The following FRMD4B variants were observed in gnomAD, a reference collection of about 807,000 sequenced individuals.
The protein encoded by FRMD4B is FERM domain containing 4B, also known as FERM domain-containing protein 4B.
Under a neutral mutation model 141.5 loss-of-function variants are expected in FRMD4B, and 74 were observed. The observed-to-expected ratio is 0.52, with a 90% CI of 0.43 to 0.63. The LOEUF (loss-of-function observed/expected upper bound fraction) is 0.63. Among genes scored for constraint, FRMD4B ranks in the 30% least tolerant of loss-of-function variants. The probability of loss-of-function intolerance (pLI) is 0.00; values close to 1 mark genes in which losing one functional copy is unlikely to be tolerated. For missense variants in FRMD4B, 1,366 were observed against 1,253.4 expected (o/e 1.09, Z -1.36); for synonymous variants, 506 against 467.9 (o/e 1.08, Z -1.05).
intron 7 of FRMD4B, chr3:69,228,242 T>A: frequency 2.3e-6 from 1 of 434,536 alleles, no homozygotes; most frequent in South Asian, 1.6e-5. Flanking sequence ...ATGATAAGAA[T>A]CCTGAAAATT....
chr3:69,312,003 C>A (rs1229108808), intron 2 of FRMD4B, among the ~76,000 whole-genome samples: 2 of 152,146 alleles, frequency 1.3e-5, no homozygotes, highest in East Asian at 3.9e-4. Flanking sequence ...GGGATTTGAA[C>A]CTAGTCTGTC....
At chr3:69,382,053 A>G (rs1159668423) in intron 1 of FRMD4B, among the ~76,000 whole-genome samples, 1 of 151,814 alleles carries the variant, frequency 6.6e-6, no homozygotes. Flanking sequence ...TTATTTATTT[A>G]TTTTGAGACA....
chr3:69,403,380 A>C (rs1271709078), intron 2 of FRMD4B, among the ~76,000 whole-genome samples: 1 of 152,186 alleles, frequency 6.6e-6, no homozygotes. Context: ...AGTTATTTTC[A>C]TTAACCAAAG....
Position 69,489,764 on chromosome 3 carries a change from C to G in FRMD4B, c.-129+52442G>C, listed in dbSNP as rs140534657. Among the ~76,000 whole-genome samples, 398 of 152,258 alleles carry G rather than the reference C, an allele frequency of 2.6e-3. 3 individuals are homozygous for G. Among genetic ancestry groups the G allele is most frequent in the Admixed American group, 3.5e-3 (53 of 15,296 alleles). ...TGGAGAGAAATAAAAATATGTCCAT[C>G]CCAAGATATGCACACAGATGTTCAC... On this transcript the variant is annotated intron_variant, in intron 1 of 5. Transcript: ENST00000459638.
At chr3:69,372,552 C>G (rs540447060) in intron 1 of FRMD4B, among the ~76,000 whole-genome samples, 2 of 152,284 alleles carry the variant, frequency 1.3e-5, no homozygotes, top group Admixed American at 6.5e-5. Flanking sequence ...GTAATCCCAG[C>G]TACTTGGGAG....
chr3:69,499,255 G>C (rs1014421835), intron 1 of FRMD4B, among the ~76,000 whole-genome samples: 1 of 152,176 alleles, frequency 6.6e-6, no homozygotes, highest in Non-Finnish European at 1.5e-5. Context: ...CCACAGTAAA[G>C]AGTCTGAATC....
At chr3:69,302,498 G>T in intron 3 of FRMD4B, 63 bp from the exon 4 acceptor site, 1 of 982,730 alleles carries the variant, frequency 1.0e-6, no homozygotes, top group Non-Finnish European at 1.6e-6. Context: ...ACAACGTACA[G>T]TGTTGGCAAA....
At chr3:69,365,113 T>C (rs990952826) in intron 1 of FRMD4B, among the ~76,000 whole-genome samples, 2 of 152,228 alleles carry the variant, frequency 1.3e-5, no homozygotes, top group African/African-American at 4.8e-5. Flanking sequence ...TTTATGGCAC[T>C]TGGGTTTTAA....
At chr3:69,276,010 T>C (rs1173046386) in intron 5 of FRMD4B, among the ~76,000 whole-genome samples, 1 of 152,190 alleles carries the variant, frequency 6.6e-6, no homozygotes, top group Non-Finnish European at 1.5e-5. Flanking sequence ...TGCCTTCTTT[T>C]AACATTTAAC....
chr3:69,207,833 G>A (rs926605916), intron 11 of FRMD4B, among the ~76,000 whole-genome samples: 9 of 151,916 alleles, frequency 5.9e-5, no homozygotes, highest in Non-Finnish European at 1.2e-4. Context: ...AAAAACAATG[G>A]ACATCTGATG....
chr3:69,343,363 G>A (rs1224139913), intron 1 of FRMD4B, among the ~76,000 whole-genome samples: 2 of 152,088 alleles, frequency 1.3e-5, no homozygotes, highest in Admixed American at 6.6e-5. Flanking sequence ...CTCCACTCTC[G>A]ACACTTCCTC....
chr3:69,445,553 C>T (rs920347568), intron 1 of FRMD4B, among the ~76,000 whole-genome samples: 1 of 152,184 alleles, frequency 6.6e-6, no homozygotes, highest in African/African-American at 2.4e-5. Context: ...ACTTAAACTC[C>T]AGCTCCTATG....
At chr3:69,246,866 G>A (rs930031413) in intron 7 of FRMD4B, among the ~76,000 whole-genome samples, 12 of 152,304 alleles carry the variant, frequency 7.9e-5, no homozygotes, top group African/African-American at 2.2e-4. Flanking sequence ...GAATTAACTC[G>A]CCAACCTTGA....
At chr3:69,425,906 T>C (rs1181052504) in intron 2 of FRMD4B, among the ~76,000 whole-genome samples, 1 of 152,230 alleles carries the variant, frequency 6.6e-6, no homozygotes, top group East Asian at 1.9e-4. Flanking sequence ...TACCCTCTTA[T>C]TCTTTAATGC....
intron 5 of FRMD4B, among the ~76,000 whole-genome samples, chr3:69,277,516 C>CGTTTTTTTTTTTTTTT (rs1464461463): frequency 1.7e-5 from 1 of 60,438 alleles, no homozygotes; most frequent in African/African-American, 7.2e-5. Context: ...TTTCTTTCTG[C>CGTTTTTTTTTTTTTTT]TTTTTTTTTT....
At position 69,409,879 on chromosome 3, in the gene FRMD4B, C is replaced by G. The variant is rs78676334; in HGVS notation, c.-1+22755G>C. Among the ~76,000 whole-genome samples the G allele has an allele frequency of 9.8e-3, 1,499 of 152,272 alleles. 17 individuals carry two copies. The highest frequency in any genetic ancestry group is 0.034 in the African/African-American group (1,412 of 41,534). On this transcript the variant is annotated intron_variant, in intron 2 of 5. Coordinates refer to the FRMD4B transcript ENST00000459638. ...AGAGAATTCAGAGAACACTGGCAGC[C>G]TCTTCAACTGCACTTGAAGTTAGAA...
At chr3:69,173,637 T>C (rs1290288747) in intron 22 of FRMD4B, among the ~76,000 whole-genome samples, 5 of 152,158 alleles carry the variant, frequency 3.3e-5, no homozygotes, top group Non-Finnish European at 5.9e-5. Context: ...TCAGACTGTA[T>C]CCTAAAAAGA....
At chr3:69,381,984 T>G (rs1454273656) in intron 1 of FRMD4B, among the ~76,000 whole-genome samples, 1 of 152,202 alleles carries the variant, frequency 6.6e-6, no homozygotes, top group Non-Finnish European at 1.5e-5. Context: ...CATTGTTATC[T>G]GCTTAAGGAG....
chr3:69,200,693 T>A lies in FRMD4B; in HGVS notation c.877-1919A>T, dbSNP rs2092957051. On this transcript the variant is annotated intron_variant, in intron 11 of 22. Transcript: ENST00000398540. ...GATTTTCCCAGAAAAGAGACCTTTC[T>A]AAAATGGAGGGCAGTTGGGATTTGC... 6 of 1,272,904 alleles carry A rather than the reference T, an allele frequency of 4.7e-6. No homozygotes were observed. The South Asian group carries it at 7.6e-5, about 16-fold the overall frequency. 78.9% of individuals were successfully genotyped at this position (1,272,904 alleles called of 1,614,324 possible).
Sources: allele counts gnomAD v4.1 joint callset (sites outside exome capture counted in the v4.1 genomes callset), GRCh38; gene constraint gnomAD v4.1.1; transcripts MANE v1.5; gene names NCBI Gene and HGNC (gene_info 2026-07-23, HGNC 2026-07-21).